Variants in CPT1C observed in about 807,000 individuals in gnomAD.
CPT1C encodes palmitoyl thioesterase CPT1C.
CPT1C carries 61 observed loss-of-function variants against 97.3 expected under a neutral mutation model. That is an observed-to-expected ratio of 0.63 (90% CI 0.51 to 0.78). CPT1C has a LOEUF of 0.78. CPT1C is among the 30% of genes least tolerant of loss of function. The pLI is 0.00. For missense variants in CPT1C, 975 were observed against 1,065.5 expected (o/e 0.92, Z 1.18); for synonymous variants, 469 against 447.2 (o/e 1.05, Z -0.61).
chr19:49,701,110 C>CCCCCCCTCTCTCTCTGGGTCTCTGT (rs2083016311), intron 5 of CPT1C, among the ~76,000 whole-genome samples: 2 of 47,704 alleles, frequency 4.2e-5, no homozygotes, highest in African/African-American at 1.5e-4. Flanking sequence ...TGGGTCTCTG[C>CCCCCCCTCTCTCTCTGGGTCTCTGT]CCCCCTCTCT....
intron 3 of CPT1C, chr19:49,696,451 CTTTTCTTTTTTTT>C (rs1212045596): frequency 2.2e-5 from 3 of 134,738 alleles, no homozygotes; most frequent in African/African-American, 9.2e-5. Flanking sequence ...TTTTTCTTTT[CTTTTCTTTTTTTT>C]TTTTTTTTTT....
upstream of CPT1C, chr19:49,690,777 T>G (rs2082318231): frequency 1.2e-5 from 4 of 343,236 alleles, no homozygotes; most frequent in Non-Finnish European, 2.1e-5. This position sits in a 1 kb window ranked among gnomAD's most constrained non-coding sequence, Gnocchi z 4.4. Flanking sequence ...CCCCCAAACA[T>G]CCCTCCTCCC....
chr19:49,705,278 G>T lies in CPT1C; in HGVS notation c.944G>T (p.Arg315Leu), dbSNP rs1023533932. 5 of 1,600,644 alleles carry T rather than the reference G, an allele frequency of 3.1e-6. No homozygotes were observed. The highest frequency in any genetic ancestry group is 4.3e-6 in the Non-Finnish European group (5 of 1,169,748). ...TACGAGAAGATCTTCAACACCACGC[G>T]GATTCCAGGGGTCCAAAAAGGTGAG... ...AQYEKIFNTT[R>L]IPGVQKDYIR... The change falls in exon 10 of 20, where the codon CGG becomes CTG. Residue 315 changes from arginine (R) to leucine (L), a missense_variant. Around this residue, in one of 3 missense-constraint regions of CPT1C, gnomAD observed 596 missense variants for 603.1 expected, o/e 0.99. Coordinates refer to ENST00000598293, the MANE Select transcript of CPT1C (RefSeq NM_001199753.2).
intron 4 of CPT1C, 139 bp from the exon 5 acceptor site, chr19:49,700,545 C>T (rs2082952582): frequency 2.3e-6 from 2 of 864,122 alleles, no homozygotes; most frequent in African/African-American, 3.3e-5. Context: ...GGTGACAGAG[C>T]TCACACCTAC....
Position 49,712,714 on chromosome 19 carries a change from T to C in CPT1C, c.2020-22T>C, listed in dbSNP as rs140301716. ...GAACTGCAGATCTCTGTCCTGCACATGTGATGGGCTCCTGTCCTCAGGTCC... is the reference window on the plus strand; with the variant it reads ...GAACTGCAGATCTCTGTCCTGCACACGTGATGGGCTCCTGTCCTCAGGTCC... On this transcript the variant is annotated intron_variant, in intron 17 of 19. Transcript: ENST00000598293. 181 of 1,567,404 alleles carry C rather than the reference T, an allele frequency of 1.2e-4. No homozygotes were observed. The African/African-American group carries it at 1.5e-3, about 13-fold the overall frequency.
At chr19:49,698,879 G>T (rs1418029682) in intron 4 of CPT1C, among the ~76,000 whole-genome samples, 2 of 152,164 alleles carry the variant, frequency 1.3e-5, no homozygotes, top group East Asian at 1.9e-4. Context: ...GAGGCGGGTG[G>T]ATCACCTGAG....
Position 49,701,436 on chromosome 19 carries a change from C to T in CPT1C, c.555+18C>T, listed in dbSNP as rs754574476. The T allele has an allele frequency of 5.6e-6, 9 of 1,595,426 alleles. No homozygotes were observed. The East Asian group carries it at 1.6e-4, about 28-fold the overall frequency. On this transcript the variant is annotated intron_variant, in intron 6 of 19. Transcript: ENST00000598293. Reference sequence around the variant, plus strand: ...TGCGCAAGGTGGGCCTGGGAGCGCGCAGACGGGCTGGGGCGGCCGGGGCGG... The same window carrying T: ...TGCGCAAGGTGGGCCTGGGAGCGCGTAGACGGGCTGGGGCGGCCGGGGCGG...
At position 49,711,871 on chromosome 19, in the gene CPT1C, A is replaced by G. The variant is rs1451718215; in HGVS notation, c.1929A>G (p.Ala643=). 3 of 1,614,012 alleles carry G rather than the reference A, an allele frequency of 1.9e-6. No individual in the cohort carries two copies. The highest frequency in any genetic ancestry group is 2.5e-6 in the Non-Finnish European group (3 of 1,180,052). Residue 643 remains alanine (A), a synonymous_variant, in exon 17 of 20, where the codon GCA becomes GCG. Transcript: ENST00000598293. The part of the protein sequence containing the change: ...AVDKHQALLK[A]AMSGQGVDRH... The stretch of plus-strand genomic sequence containing the variant: ...ACAAGCACCAGGCTCTGCTGAAGGC[A>G]GCCATGAGCGGGCAGGGAGTTGACC...
intron 13 of CPT1C, 48 bp downstream of exon 13, chr19:49,707,671 C>A: frequency 7.8e-7 from 1 of 1,281,938 alleles, no homozygotes; most frequent in Non-Finnish European, 1.1e-6. Context: ...GCCCCATCTC[C>A]AAAGACCGTC....
chr19:49,712,356 A>T, intron 17 of CPT1C: 1 of 301,614 alleles, frequency 3.3e-6, no homozygotes, highest in Non-Finnish European at 6.2e-6. Flanking sequence ...AAAAAAAAAA[A>T]AAAGGAGGGT....
intron 14 of CPT1C, 99 bp from the exon 15 acceptor site, chr19:49,710,221 C>T (rs1176235594): frequency 1.7e-6 from 2 of 1,210,720 alleles, no homozygotes; most frequent in Non-Finnish European, 2.4e-6. Flanking sequence ...CTGCCGCAAC[C>T]TTAACTCCAC....
chr19:49,700,756 G>C lies in CPT1C; in HGVS notation c.354G>C (p.Leu118=), dbSNP rs1215420824. ...ALFASCLWGA[L]IFTLHVALRL... is the part of the protein sequence containing the mutation. Reference sequence around the variant, plus strand: ...TTGCCTCGTGTTTGTGGGGAGCCCTGATCTTCACACTGCACGTGGCCCTGA... The same window carrying C: ...TTGCCTCGTGTTTGTGGGGAGCCCTCATCTTCACACTGCACGTGGCCCTGA... The change falls in exon 5 of 20, where the codon CTG becomes CTC. Residue 118 remains leucine, a synonymous_variant. Coordinates refer to ENST00000598293, the MANE Select transcript of CPT1C (RefSeq NM_001199753.2). 1.2e-6 allele frequency: 2 copies of C among 1,612,988 alleles called. No individual in the cohort carries two copies. Among genetic ancestry groups the C allele is most frequent in the East Asian group, 2.2e-5 (1 of 44,876 alleles).
In CPT1C at chr19:49,704,990, CCT is replaced by C. The variant is rs1325819158; in HGVS notation, c.772-13_772-12del. 1.3e-6 allele frequency: 2 copies of C among 1,573,716 alleles called. No individual in the cohort carries two copies. Among genetic ancestry groups the C allele is most frequent in the Admixed American group, 3.5e-5 (2 of 57,320 alleles). The stretch of plus-strand genomic sequence containing the variant: ...CCTGACCCTGGGTGTTTTGCCATCC[CCT>C]CTCCTGGTCCCCAGGACTTCCTGTA... On this transcript the variant is annotated splice_polypyrimidine_tract_variant and intron_variant, in intron 8 of 19. Coordinates refer to ENST00000598293, the MANE Select transcript of CPT1C (RefSeq NM_001199753.2).
chr19:49,696,775 G>A (rs530890966), intron 3 of CPT1C, among the ~76,000 whole-genome samples: 41 of 152,102 alleles, frequency 2.7e-4, no homozygotes, highest in African/African-American at 8.7e-4. Context: ...TGGGATTACA[G>A]GTGCCTGCCA....
In CPT1C at chr19:49,697,459, C is replaced by T; in HGVS notation, c.275C>T (p.Pro92Leu). 1 of 1,613,998 alleles carries T rather than the reference C, an allele frequency of 6.2e-7. No individual in the cohort carries two copies. The highest frequency in any genetic ancestry group is 8.5e-7 in the Non-Finnish European group (1 of 1,179,932). The change falls in exon 4 of 20, where the codon CCT becomes CTT. Residue 92 changes from proline to leucine, a missense_variant. Coordinates refer to ENST00000598293, the MANE Select transcript of CPT1C (RefSeq NM_001199753.2). ...ATGGAGAAGATCAAAGAGTTGCTGC[C>T]TGACTGGTGAGGTCCCCCCACTCCA... is the stretch of plus-strand genomic sequence containing the variant. ...GLMEKIKELL[P>L]DWGGQHHGLR...
intron 13 of CPT1C, among the ~76,000 whole-genome samples, 176 bp from the exon 14 acceptor site, chr19:49,708,547 T>C (rs1446353116): frequency 1.3e-5 from 2 of 152,138 alleles, no homozygotes; most frequent in African/African-American, 4.8e-5. Flanking sequence ...TGAGTATTGG[T>C]GTTAGTCCTG....
upstream of CPT1C, chr19:49,690,668 G>T: frequency 3.4e-6 from 2 of 582,392 alleles, no homozygotes; most frequent in Non-Finnish European, 5.6e-6. This position sits in a 1 kb window ranked among gnomAD's most constrained non-coding sequence, Gnocchi z 4.4. Flanking sequence ...CTCCCTCACG[G>T]AAGTCCCACT....
intron 3 of CPT1C, among the ~76,000 whole-genome samples, chr19:49,694,446 T>C (rs1286381210): frequency 1.3e-5 from 2 of 151,034 alleles, no homozygotes; most frequent in Non-Finnish European, 3.0e-5. Context: ...CTGGCCAATA[T>C]AGTGAAACCC....
intron 4 of CPT1C, 161 bp downstream of exon 4, chr19:49,697,626 C>G (rs534638933): frequency 1.7e-4 from 134 of 800,496 alleles, no homozygotes; most frequent in Non-Finnish European, 2.4e-4. Context: ...GAGGTGAGGC[C>G]GGGCACAGTG....
Sources: allele counts gnomAD v4.1 joint callset (sites outside exome capture counted in the v4.1 genomes callset), GRCh38; gene constraint gnomAD v4.1.1; regional missense constraint gnomAD v4.1.1; non-coding constraint Gnocchi (gnomAD v3.1); transcripts MANE v1.5; gene names NCBI Gene and HGNC (gene_info 2026-07-23, HGNC 2026-07-21).